The following DGKZ variants were observed in gnomAD, a reference collection of about 807,000 sequenced individuals.
DGKZ encodes the protein diacylglycerol kinase zeta, also known as DAG kinase zeta.
DGKZ carries 45 observed loss-of-function variants against 142.5 expected under a neutral mutation model. That is an observed-to-expected ratio of 0.32 (90% confidence interval 0.25 to 0.40). The LOEUF (loss-of-function observed/expected upper bound fraction) is 0.40. Among genes scored for constraint, DGKZ ranks in the 10% least tolerant of loss-of-function variants. The probability of loss-of-function intolerance (pLI) is 1.00; values close to 1 mark genes in which losing one functional copy is unlikely to be tolerated. For synonymous variants in DGKZ, 442 were observed against 527.0 expected (o/e 0.84, Z 2.21); for missense variants, 755 against 1,306.5 (o/e 0.58, Z 6.51).
In DGKZ at chr11:46,374,857, G is replaced by A. The variant is rs760985148; in HGVS notation, c.1598+18G>A. 9 of 1,582,136 alleles carry A rather than the reference G, an allele frequency of 5.7e-6. No homozygotes were observed. Among genetic ancestry groups the A allele is most frequent in the East Asian group, 2.2e-5 (1 of 44,450 alleles). On this transcript the variant is annotated intron_variant, in intron 18 of 30. Coordinates refer to ENST00000527911, the Ensembl canonical transcript of DGKZ. Reference sequence around the variant, plus strand: ...ATCCCCAGGTGAGGAGGGGGCTACCGGAGCTGGGGGGAGCCCTGCTGTCCT... The same window carrying A: ...ATCCCCAGGTGAGGAGGGGGCTACCAGAGCTGGGGGGAGCCCTGCTGTCCT...
intron 1 of DGKZ, among the ~76,000 whole-genome samples, chr11:46,353,411 G>A (rs560901230): frequency 1.3e-5 from 2 of 152,338 alleles, no homozygotes; most frequent in South Asian, 4.1e-4. Flanking sequence ...AACGGTGTGA[G>A]ACCCATGAGA....
chr11:46,368,744 G>A (rs981750922), intron 4 of DGKZ: 2 of 176,872 alleles, frequency 1.1e-5, no homozygotes, highest in Admixed American at 5.5e-5. Context: ...GTTATGAGAA[G>A]GGAAATAGAA....
intron 14 of DGKZ, 33 bp from the exon 15 acceptor site, chr11:46,374,124 A>G (rs751459289): frequency 6.2e-7 from 1 of 1,601,818 alleles, no homozygotes; most frequent in Non-Finnish European, 8.6e-7. Flanking sequence ...TGTGAGGCCC[A>G]GCCCTCATTT....
At chr11:46,346,222 GGAAAA>G, upstream of DGKZ, among the ~76,000 whole-genome samples, 1 of 152,216 alleles carries the variant, frequency 6.6e-6, no homozygotes, top group Admixed American at 6.5e-5. Flanking sequence ...GACTAAGGCT[GGAAAA>G]CGGGCTGCCA....
chr11:46,347,432 AGCT>A (rs1590394394), upstream of DGKZ: 3 of 981,820 alleles, frequency 3.1e-6, no homozygotes, highest in East Asian at 3.4e-4. This position sits in a 1 kb window ranked among gnomAD's most constrained non-coding sequence, Gnocchi z 6.4. Context: ...CGGCCCGGCC[AGCT>A]ATGCGGGGTC....
chr11:46,345,630 C>A, upstream of DGKZ: 1 of 1,458,266 alleles, frequency 6.9e-7, no homozygotes, highest in Non-Finnish European at 9.0e-7. The surrounding 1 kb of genome is among the most constrained non-coding windows in gnomAD (Gnocchi z 4.1). Context: ...GACCTCTGTC[C>A]CTCTATGAGC....
chr11:46,334,988 C>T (rs1939943826), intron 1 of DGKZ, among the ~76,000 whole-genome samples: 1 of 152,114 alleles, frequency 6.6e-6, no homozygotes, highest in African/African-American at 2.4e-5. Flanking sequence ...GGGATGACCC[C>T]GAGTTTTGCC....
chr11:46,348,269 A>G (rs1940920699), intron 1 of DGKZ, among the ~76,000 whole-genome samples: 1 of 152,116 alleles, frequency 6.6e-6, no homozygotes, highest in Admixed American at 6.5e-5. Flanking sequence ...CGCCCTTTGG[A>G]CTTTCGTGGG....
intron 1 of DGKZ, among the ~76,000 whole-genome samples, chr11:46,355,903 C>T (rs1941966136): frequency 6.6e-6 from 1 of 152,092 alleles, no homozygotes; most frequent in Non-Finnish European, 1.5e-5. Flanking sequence ...TGGGCCACCA[C>T]ACCCGGCTAA....
chr11:46,362,541 ATCACCAG>A (rs1453554693), intron 1 of DGKZ, among the ~76,000 whole-genome samples: 1 of 152,002 alleles, frequency 6.6e-6, no homozygotes, highest in African/African-American at 2.4e-5. Context: ...TCTGCCAGGT[ATCACCAG>A]GCACTCTCTC....
chr11:46,335,143 G>GT (rs985650719), intron 1 of DGKZ, among the ~76,000 whole-genome samples: 6 of 151,990 alleles, frequency 3.9e-5, no homozygotes, highest in African/African-American at 1.2e-4. Context: ...GTGAAACCCT[G>GT]TCTCTACTAA....
intron 1 of DGKZ, chr11:46,338,721 G>C (rs1474493860): frequency 6.6e-6 from 1 of 152,112 alleles, no homozygotes; most frequent in Non-Finnish European, 1.5e-5. Flanking sequence ...TTCTGGGTCA[G>C]AGAGACCTGG....
In DGKZ at chr11:46,372,684, T is replaced by TC; in HGVS notation, c.1071+11dup. 1 of 1,612,926 alleles carries TC rather than the reference T, an allele frequency of 6.2e-7. No individual in the cohort carries two copies. Among genetic ancestry groups the TC allele is most frequent in the Non-Finnish European group, 8.5e-7 (1 of 1,179,840 alleles). Reference sequence around the variant, plus strand: ...GTGCGGGGGCGACGGCACGGTGAGCTCCCCGCATGGGCCAGCCGAGCACCA... The same window carrying TC: ...GTGCGGGGGCGACGGCACGGTGAGCTCCCCCGCATGGGCCAGCCGAGCACCA... On this transcript the variant is annotated splice_region_variant and intron_variant, in intron 12 of 30. Coordinates refer to ENST00000527911, the Ensembl canonical transcript of DGKZ. This position sits in a 1 kb window ranked among gnomAD's most constrained non-coding sequence, Gnocchi z 5.9.
At chr11:46,353,774 C>G (rs76174988) in intron 1 of DGKZ, among the ~76,000 whole-genome samples, 3,615 of 152,308 alleles carry the variant, frequency 0.024, 87 homozygotes, top group South Asian at 0.13. Context: ...GAGACCTCCT[C>G]CCCTTGCTCC....
intron 5 of DGKZ, 124 bp from the exon 6 acceptor site, chr11:46,369,817 T>C (rs1943744789): frequency 9.3e-7 from 1 of 1,070,412 alleles, no homozygotes; most frequent in Non-Finnish European, 1.4e-6. Flanking sequence ...TAGCCCCTCC[T>C]CCACTCATGC....
At chr11:46,333,392 G>T in exon 1 of DGKZ, 1 of 1,442,012 alleles carries the variant, frequency 6.9e-7, no homozygotes, top group Non-Finnish European at 9.0e-7. Context: ...CCCAGGTCGC[G>T]CAGCCCTGGC....
intron 1 of DGKZ, chr11:46,365,296 A>G: frequency 1.3e-5 from 13 of 985,428 alleles, no homozygotes; most frequent in Non-Finnish European, 1.6e-5. Flanking sequence ...AGGCTCCATC[A>G]GGAGCAGAGT....
At chr11:46,358,969 C>T (rs1303753987) in intron 1 of DGKZ, among the ~76,000 whole-genome samples, 2 of 151,390 alleles carry the variant, frequency 1.3e-5, no homozygotes, top group African/African-American at 4.9e-5. Flanking sequence ...ATGGTGAAAC[C>T]CCATCTCTAC....
At chr11:46,375,333 T>C in intron 19 of DGKZ, 99 bp from the exon 20 acceptor site, 6 of 1,369,770 alleles carry the variant, frequency 4.4e-6, no homozygotes, top group Non-Finnish European at 5.9e-6. Flanking sequence ...CTCTCACCTT[T>C]GTTCTCTGGC....
Sources: allele counts gnomAD v4.1 joint callset (sites outside exome capture counted in the v4.1 genomes callset), GRCh38; gene constraint gnomAD v4.1.1; non-coding constraint Gnocchi (gnomAD v3.1); transcripts MANE v1.5; gene names NCBI Gene and HGNC (gene_info 2026-07-23, HGNC 2026-07-21).